Variants in PHF3 observed in about 807,000 individuals in gnomAD.
PHF3 encodes the protein PHD finger protein 3.
A neutral mutation model predicts 178.4 loss-of-function variants in PHF3; 41 were observed. The observed-to-expected ratio is 0.23, with a 90% CI of 0.18 to 0.30. The LOEUF (loss-of-function observed/expected upper bound fraction) is 0.30, where lower values mean the gene tolerates loss of function less well. PHF3 is among the 10% of genes least tolerant of loss of function. PHF3 has a pLI of 1.00. For synonymous variants in PHF3, 842 were observed against 800.5 expected (o/e 1.05, Z -0.88); for missense variants, 2,346 against 2,398.1 (o/e 0.98, Z 0.45).
In PHF3 at chr6:63,712,429, C is replaced by T. The variant is rs1299079477; in HGVS notation, c.4841C>T (p.Ser1614Phe). The T allele has an allele frequency of 4.3e-6, 7 of 1,613,852 alleles. No homozygotes were observed. The African/African-American group carries it at 5.3e-5, about 12-fold the overall frequency. ...NLQDNQTSNS[S>F]PCRSNVGKGN... The stretch of plus-strand genomic sequence containing the variant: ...CAAGATAACCAGACTTCAAATAGTT[C>T]TCCATGCAGATCTAATGTAGGAAAA... The change falls in exon 16 of 16, where the codon TCT (serine) becomes TTT (phenylalanine). Residue 1614 changes from serine (S) to phenylalanine (F), a missense_variant. Transcript: ENST00000262043.
intron 2 of PHF3, among the ~76,000 whole-genome samples, chr6:63,676,064 A>G (rs1766151879): frequency 1.3e-5 from 2 of 152,124 alleles, no homozygotes; most frequent in African/African-American, 4.8e-5. Context: ...TGTCTTCAAT[A>G]TATCAAAAAA....
Position 63,719,817 on chromosome 6 carries a change from A to G in PHF3, c.*6109A>G, listed in dbSNP as rs1768303275. On this transcript the variant is annotated 3_prime_UTR_variant, in exon 16 of 16. Coordinates refer to ENST00000262043, the MANE Select transcript of PHF3 (RefSeq NM_001370348.2). ...TTTTAAAAAGTCAAATAGTTCTACA[A>G]GGTTCATAAGCAAAAAGCAACAGGC... Among the ~76,000 whole-genome samples, 1 of 152,218 alleles carries G rather than the reference A, an allele frequency of 6.6e-6. No homozygotes were observed. Among genetic ancestry groups the G allele is most frequent in the South Asian group, 2.1e-4 (1 of 4,832 alleles).
At position 63,723,522 on chromosome 6, in the gene PHF3, A is replaced by G. The variant is rs68132675; in HGVS notation, c.*9814A>G. 0.084 allele frequency among the ~76,000 whole-genome samples: 12,714 copies of G among 152,082 alleles called. 573 individuals are homozygous for G. The highest frequency in any genetic ancestry group is 0.16 in the East Asian group (846 of 5,154). ...AGTGAAGAGCTACATTAGAATAAAA[A>G]ATATCTAAGAAATGATTAGGAAAGC... is the stretch of plus-strand genomic sequence containing the variant. On this transcript the variant is annotated 3_prime_UTR_variant, in exon 16 of 16. Coordinates refer to ENST00000262043, the MANE Select transcript of PHF3 (RefSeq NM_001370348.2).
At chr6:63,694,367 T>G (rs906951270) in intron 5 of PHF3, among the ~76,000 whole-genome samples, 3 of 152,046 alleles carry the variant, frequency 2.0e-5, no homozygotes, top group African/African-American at 7.3e-5. Flanking sequence ...TTTTTAATTT[T>G]CTTTCTACTA....
chr6:63,690,846 A>G (rs1288860243), intron 4 of PHF3, among the ~76,000 whole-genome samples: 3 of 152,166 alleles, frequency 2.0e-5, no homozygotes, highest in Admixed American at 2.0e-4. Context: ...AAGTAGTTAT[A>G]GATACTCCTT....
At chr6:63,636,758 A>C (rs887318646) in intron 1 of PHF3, 2 of 152,230 alleles carry the variant, frequency 1.3e-5, no homozygotes. Context: ...GCTTAGTTTG[A>C]AATGAGAAGC....
intron 1 of PHF3, among the ~76,000 whole-genome samples, chr6:63,637,643 A>ATCG (rs386407335): frequency 1.3e-5 from 2 of 151,284 alleles, no homozygotes; most frequent in Non-Finnish European, 2.9e-5. Context: ...TTCCTTCATC[A>ATCG]TCGTCATTAT....
intron 2 of PHF3, among the ~76,000 whole-genome samples, chr6:63,658,033 T>A (rs1765310519): frequency 6.6e-6 from 1 of 152,224 alleles, no homozygotes; most frequent in Non-Finnish European, 1.5e-5. Flanking sequence ...ATACTTTCTC[T>A]TACTTTGAGT....
chr6:63,660,982 T>C (rs1002714533), intron 2 of PHF3, among the ~76,000 whole-genome samples: 3 of 152,214 alleles, frequency 2.0e-5, no homozygotes, highest in African/African-American at 7.2e-5. Context: ...TGCTGCTTGC[T>C]GTGCCATGGG....
intron 11 of PHF3, among the ~76,000 whole-genome samples, chr6:63,705,633 T>G (rs1234725851): frequency 6.6e-6 from 1 of 152,210 alleles, no homozygotes; most frequent in Non-Finnish European, 1.5e-5. Context: ...TGAAATTGGT[T>G]GCTGGTGATA....
intron 6 of PHF3, among the ~76,000 whole-genome samples, chr6:63,697,506 A>C (rs1433171722): frequency 6.6e-6 from 1 of 152,218 alleles, no homozygotes; most frequent in Non-Finnish European, 1.5e-5. Flanking sequence ...TGTCAGTACC[A>C]GTGCTTATTT....
chr6:63,676,498 G>T (rs975325007), intron 2 of PHF3, among the ~76,000 whole-genome samples: 8 of 152,318 alleles, frequency 5.3e-5, no homozygotes, highest in African/African-American at 1.4e-4. Context: ...ATGGGTATTT[G>T]GGAGAAGAGC....
At chr6:63,636,214 A>T (rs533837907) in intron 1 of PHF3, 64 bp downstream of exon 1, 2 of 347,306 alleles carry the variant, frequency 5.8e-6, no homozygotes, top group African/African-American at 4.3e-5. Flanking sequence ...ATCCCCTTCC[A>T]CACGCACAGC....
chr6:63,684,806 G>T lies in PHF3; in HGVS notation c.1084G>T (p.Gly362Cys). ...AAATAAGACAGAAAACAGCCTTGTA[G>T]GTTTGCCTAGTTGTGTAGATGAAGT... is the stretch of plus-strand genomic sequence containing the variant. ...NPNKTENSLV[G>C]LPSCVDEVTE... Residue 362 changes from glycine to cysteine, a missense_variant, in exon 4 of 16, where the codon GGT becomes TGT. Around this residue, in one of 8 missense-constraint regions of PHF3, gnomAD observed 843 missense variants for 795.2 expected, o/e 1.06. Coordinates refer to ENST00000262043, the MANE Select transcript of PHF3 (RefSeq NM_001370348.2). 6.2e-7 allele frequency: 1 copy of T among 1,614,012 alleles called. No homozygotes were observed. The highest frequency in any genetic ancestry group is 8.5e-7 in the Non-Finnish European group (1 of 1,179,914).
intron 10 of PHF3, among the ~76,000 whole-genome samples, chr6:63,703,319 T>C (rs540847102): frequency 2.6e-5 from 4 of 152,292 alleles, no homozygotes; most frequent in African/African-American, 9.6e-5. Context: ...GCTTGAAGAA[T>C]GGGGAATGTT....
At chr6:63,642,912 GTTTT>G (rs891713436) in intron 1 of PHF3, among the ~76,000 whole-genome samples, 7 of 152,026 alleles carry the variant, frequency 4.6e-5, no homozygotes, top group Non-Finnish European at 8.8e-5. Flanking sequence ...TCTTAGATTA[GTTTT>G]TTTAAGACTT....
chr6:63,700,212 CTG>C (rs1219170826), intron 8 of PHF3, 136 bp from the exon 9 acceptor site: 17 of 473,850 alleles, frequency 3.6e-5, no homozygotes, highest in Non-Finnish European at 6.2e-5. Context: ...CATTTAATCT[CTG>C]TGTAGTAGGT....
intron 6 of PHF3, among the ~76,000 whole-genome samples, chr6:63,696,683 T>A (rs1387389373): frequency 2.0e-5 from 3 of 152,070 alleles, no homozygotes; most frequent in African/African-American, 7.3e-5. Flanking sequence ...GGGTGGCCTG[T>A]GAGGAAAGAG....
rs1407506683 is a variant in PHF3 at position 63,720,893 on chromosome 6, A to G, written c.*7185A>G. 3.2e-6 allele frequency: 5 copies of G among 1,550,912 alleles called. No individual in the cohort carries two copies. The highest frequency in any genetic ancestry group is 3.5e-6 in the Non-Finnish European group (4 of 1,146,386). On this transcript the variant is annotated 3_prime_UTR_variant, in exon 16 of 16. Transcript: ENST00000262043. ...GAGTCTGATTTTGAATTACAACTAC[A>G]TGGTGCCATTTATTACAACAGAATG...
Sources: allele counts gnomAD v4.1 joint callset (sites outside exome capture counted in the v4.1 genomes callset), GRCh38; gene constraint gnomAD v4.1.1; regional missense constraint gnomAD v4.1.1; transcripts MANE v1.5; gene names NCBI Gene and HGNC (gene_info 2026-07-23, HGNC 2026-07-21).